SERPINB11: variants seen among roughly 807,000 people sequenced by gnomAD.
The protein encoded by SERPINB11 is serpin family B member 11, also known as serpin B11.
In SERPINB11, 32 loss-of-function variants were observed where a neutral mutation model predicts 36.7. The ratio of observed to expected loss-of-function variants is 0.87; its 90% CI spans 0.66 to 1.17. The LOEUF is 1.17. Among genes scored for constraint, SERPINB11 ranks in the 50% most tolerant of loss-of-function variants. The pLI is 0.00. For synonymous variants in SERPINB11, 174 were observed against 168.1 expected (o/e 1.04, Z -0.27); for missense variants, 528 against 458.4 (o/e 1.15, Z -1.39).
chr18:63,721,944 T>C (rs950244962), intron 7 of SERPINB11, among the ~76,000 whole-genome samples: 4 of 152,106 alleles, frequency 2.6e-5, no homozygotes, highest in African/African-American at 9.7e-5. Flanking sequence ...ATAATGCAGT[T>C]TGGGAGCAGT....
intron 4 of SERPINB11, among the ~76,000 whole-genome samples, chr18:63,715,425 G>A (rs1914643072): frequency 6.6e-6 from 1 of 152,158 alleles, no homozygotes. Flanking sequence ...TTTATACTGA[G>A]TTTGCACACC....
In SERPINB11 at chr18:63,710,173, T is replaced by A. The variant is rs756443087; in HGVS notation, c.-15-6T>A. The A allele has an allele frequency of 1.3e-6, 2 of 1,595,208 alleles. No individual in the cohort carries two copies. Among genetic ancestry groups the A allele is most frequent in the Non-Finnish European group, 1.7e-6 (2 of 1,171,058 alleles). Reference sequence around the variant, plus strand: ...GTTCTGAGAATTTTTTCCCTTCTGTTCTCAGGCAGTCGGCATAAAAATGGG... The same window carrying A: ...GTTCTGAGAATTTTTTCCCTTCTGTACTCAGGCAGTCGGCATAAAAATGGG... On this transcript the variant is annotated splice_polypyrimidine_tract_variant and splice_region_variant and intron_variant, in intron 1 of 7. Coordinates refer to ENST00000544088, the MANE Select transcript of SERPINB11 (RefSeq NM_001370475.1).
At chr18:63,713,272 C>T (rs181420508) in intron 4 of SERPINB11, among the ~76,000 whole-genome samples, 56 of 152,280 alleles carry the variant, frequency 3.7e-4, no homozygotes, top group Non-Finnish European at 6.2e-4. Context: ...CAAGCATTAT[C>T]TCCTATAATC....
At chr18:63,719,151 A>T (rs116673286) in intron 5 of SERPINB11, among the ~76,000 whole-genome samples, 227 of 152,222 alleles carry the variant, frequency 1.5e-3, no homozygotes, top group African/African-American at 5.3e-3. Flanking sequence ...GAATGAAAAG[A>T]TGATTAGTGT....
chr18:63,712,575 C>G lies in SERPINB11; in HGVS notation c.239C>G (p.Ala80Gly). Residue 80 changes from alanine (A) to glycine (G), a missense_variant, in exon 4 of 8, where the codon GCT becomes GGT. Physicochemically the swap from Ala to Gly is moderately conservative, Grantham distance 60. Transcript: ENST00000544088. ...TTACTGATGCTTCAGTGCAGCCAAGCTGGAAGAATTCATTCCGAGTTTGGT... is the reference window on the plus strand; with the variant it reads ...TTACTGATGCTTCAGTGCAGCCAAGGTGGAAGAATTCATTCCGAGTTTGGT... ...GFKDSPKCSQ[A>G]GRIHSEFGVE... 6.2e-7 allele frequency: 1 copy of G among 1,613,726 alleles called. No homozygotes were observed. The highest frequency in any genetic ancestry group is 1.1e-5 in the South Asian group (1 of 91,066).
chr18:63,703,018 G>A lies in SERPINB11; in HGVS notation c.-16+12G>A, dbSNP rs1914278906. ...GGAAAGCAACAAAGGTAAGAGAAAT[G>A]TTTCTGTACGTTATTATCTCAGCTG... On this transcript the variant is annotated intron_variant, in intron 1 of 7. Transcript: ENST00000544088. The A allele has an allele frequency of 6.6e-6, 1 of 152,194 alleles. No homozygotes were observed. The highest frequency in any genetic ancestry group is 1.5e-5 in the Non-Finnish European group (1 of 68,030). The allele number at this position is 152,194 out of a possible 1,614,324, so 9.4% of individuals were successfully genotyped here. A position where few individuals can be genotyped will look rare whatever the true frequency, so the allele number is the denominator to read the frequency against.
intron 5 of SERPINB11, among the ~76,000 whole-genome samples, chr18:63,717,703 T>C (rs905266072): frequency 1.3e-5 from 2 of 152,078 alleles, no homozygotes; most frequent in Non-Finnish European, 2.9e-5. Flanking sequence ...TGTTTTTTTT[T>C]CTGATAAATT....
intron 1 of SERPINB11, among the ~76,000 whole-genome samples, chr18:63,704,262 A>G (rs1914314218): frequency 6.6e-6 from 1 of 152,374 alleles, no homozygotes; most frequent in East Asian, 1.9e-4. Context: ...GAATACCAAC[A>G]TATTAAATGA....
rs1247714676 is a variant in SERPINB11 at position 63,712,547 on chromosome 18, T to G, written c.229-18T>G. ...TCAAGCAATTTAATACATCATTCTT[T>G]GTTTACTGATGCTTCAGTGCAGCCA... is the stretch of plus-strand genomic sequence containing the variant. On this transcript the variant is annotated intron_variant, in intron 3 of 7. Coordinates refer to ENST00000544088, the MANE Select transcript of SERPINB11 (RefSeq NM_001370475.1). The G allele has an allele frequency of 6.2e-7, 1 of 1,613,320 alleles. No homozygotes were observed. The highest frequency in any genetic ancestry group is 2.2e-5 in the East Asian group (1 of 44,866).
intron 4 of SERPINB11, among the ~76,000 whole-genome samples, chr18:63,714,922 T>C (rs910134379): frequency 2.0e-5 from 3 of 152,154 alleles, no homozygotes; most frequent in Admixed American, 6.6e-5. Context: ...GTGATAAATG[T>C]CCATGAAATC....
chr18:63,703,970 G>GAAT (rs72538626), intron 1 of SERPINB11, among the ~76,000 whole-genome samples: 1 of 151,474 alleles, frequency 6.6e-6, no homozygotes, highest in Non-Finnish European at 1.5e-5. Context: ...TTTGCTTGAA[G>GAAT]ATTTTTTTTT....
chr18:63,710,979 G>A (rs895679324), intron 2 of SERPINB11, among the ~76,000 whole-genome samples: 3 of 152,166 alleles, frequency 2.0e-5, no homozygotes, highest in Admixed American at 2.0e-4. Context: ...GTCTTACACA[G>A]CCCCAGATGG....
intron 1 of SERPINB11, among the ~76,000 whole-genome samples, chr18:63,703,699 G>A (rs1003015748): frequency 2.6e-5 from 4 of 152,148 alleles, no homozygotes; most frequent in Admixed American, 6.5e-5. Context: ...CACAGGGTAT[G>A]GTACATACTG....
chr18:63,715,597 T>C (rs1367578228), intron 4 of SERPINB11, among the ~76,000 whole-genome samples: 1 of 152,170 alleles, frequency 6.6e-6, no homozygotes, highest in Admixed American at 6.5e-5. Flanking sequence ...GATTGATATA[T>C]ATCATGGGAG....
intron 1 of SERPINB11, among the ~76,000 whole-genome samples, chr18:63,709,616 T>TAATAAAATAAAATAAAATAAAATA (rs1914463661): frequency 7.0e-5 from 10 of 143,450 alleles, no homozygotes; most frequent in Non-Finnish European, 1.5e-5. Flanking sequence ...GTCTCAAAAA[T>TAATAAAATAAAATAAAATAAAATA]AAATAAAATA....
chr18:63,706,916 G>A (rs1010268768), intron 1 of SERPINB11, among the ~76,000 whole-genome samples: 3 of 152,208 alleles, frequency 2.0e-5, no homozygotes, highest in Non-Finnish European at 4.4e-5. Context: ...AGCAGCTGCA[G>A]TAGTAGACAC....
rs149964386 is a variant in SERPINB11, at chr18:63,710,164, C to T, written c.-15-15C>T. The T allele has an allele frequency of 4.1e-3, 6,404 of 1,563,948 alleles. 32 individuals are homozygous for T. Among genetic ancestry groups the T allele is most frequent in the Non-Finnish European group, 4.3e-3 (5,014 of 1,156,188 alleles). ...TCAAGTGATGTTCTGAGAATTTTTT[C>T]CCTTCTGTTCTCAGGCAGTCGGCAT... On this transcript the variant is annotated splice_polypyrimidine_tract_variant and intron_variant, in intron 1 of 7. Coordinates refer to ENST00000544088, the MANE Select transcript of SERPINB11 (RefSeq NM_001370475.1).
chr18:63,703,160 C>T (rs1007023198), intron 1 of SERPINB11, among the ~76,000 whole-genome samples, 154 bp downstream of exon 1: 2 of 152,154 alleles, frequency 1.3e-5, no homozygotes, highest in African/African-American at 2.4e-5. Context: ...TTTGCTGACC[C>T]CTTGATAAAT....
chr18:63,710,696 A>G (rs550937444), intron 2 of SERPINB11, among the ~76,000 whole-genome samples: 30 of 152,342 alleles, frequency 2.0e-4, no homozygotes, highest in African/African-American at 7.0e-4. Context: ...TAAATTTATA[A>G]TAAACATAAT....
Sources: allele counts gnomAD v4.1 joint callset (sites outside exome capture counted in the v4.1 genomes callset), GRCh38; gene constraint gnomAD v4.1.1; transcripts MANE v1.5; gene names NCBI Gene and HGNC (gene_info 2026-07-23, HGNC 2026-07-21).